The following DST variants were observed in gnomAD, a reference collection of about 807,000 sequenced individuals.
DST encodes the protein dystonin.
Under a neutral mutation model 875.2 loss-of-function variants are expected in DST, and 253 were observed. The ratio of observed to expected loss-of-function variants is 0.29; its 90% CI spans 0.26 to 0.32. DST has a LOEUF of 0.32. Ranked by LOEUF, DST falls within the 10% of genes least tolerant of loss-of-function variation. The probability of loss-of-function intolerance (pLI) is 1.00; values close to 1 mark genes in which losing one functional copy is unlikely to be tolerated. For missense variants in DST, 8,287 were observed against 9,111.6 expected, an observed-to-expected ratio of 0.91 and a Z score of 3.68; for synonymous variants, 3,124 against 3,197.1, an observed-to-expected ratio of 0.98 and a Z score of 0.77.
chr6:56,697,323 G>A (rs1430064456), intron 9 of DST, among the ~76,000 whole-genome samples: 2 of 152,084 alleles, frequency 1.3e-5, no homozygotes, highest in Non-Finnish European at 2.9e-5. Flanking sequence ...CAGCTTCACA[G>A]CTTATCTCTC....
At chr6:56,516,608 G>A (rs1443429117) in intron 71 of DST, among the ~76,000 whole-genome samples, 2 of 152,098 alleles carry the variant, frequency 1.3e-5, no homozygotes, top group Non-Finnish European at 2.9e-5. Flanking sequence ...CCTACCAGAA[G>A]CATGAATATG....
chr6:56,850,993 G>A (rs887963093), intron 4 of DST: 15 of 201,358 alleles, frequency 7.4e-5, no homozygotes, highest in African/African-American at 1.4e-4. Context: ...CTCAATCTGC[G>A]TAGCTCAGTG....
Position 56,458,993 on chromosome 6 carries a change from G to C in DST, c.*12C>G, listed in dbSNP as rs761169233. 1 of 1,583,748 alleles carries C rather than the reference G, an allele frequency of 6.3e-7. No homozygotes were observed. Among genetic ancestry groups the C allele is most frequent in the Admixed American group, 1.7e-5 (1 of 57,700 alleles). On this transcript the variant is annotated 3_prime_UTR_variant, in exon 104 of 104. Transcript: ENST00000680361. ...AAATGCTCAAGGAAGGGCCTTGGTA[G>C]AACCAATTGCACTATCTCTTTGAGG...
rs1393451354 is a variant in DST, at chr6:56,634,877, A to G, written c.3263T>C (p.Leu1088Pro). Residue 1088 changes from leucine (L) to proline (P), a missense_variant, in exon 25 of 104, where the codon CTG becomes CCG. This residue lies in a region of DST where 1,160 missense variants were observed against 1,424.3 expected (regional missense o/e 0.81). Transcript: ENST00000680361. ...TGGACAGTCAGAATTCCTTGGCTTC[A>G]GTTGAATTATTGTTTTTGCTTTTCC... ...LMGKAKTIIQ[L>P]KPRNSDCPLK... is the part of the protein sequence containing the mutation. The G allele has an allele frequency of 5.0e-6, 8 of 1,613,960 alleles. No homozygotes were observed. The highest frequency in any genetic ancestry group is 6.8e-6 in the Non-Finnish European group (8 of 1,179,924).
chr6:56,650,553 T>C (rs2098969807), intron 12 of DST, among the ~76,000 whole-genome samples: 1 of 152,088 alleles, frequency 6.6e-6, no homozygotes, highest in Admixed American at 6.5e-5. Flanking sequence ...AGTAACAAAT[T>C]TGAAATTGTT....
intron 77 of DST, 48 bp downstream of exon 77, chr6:56,506,395 G>A (rs558678630): frequency 1.3e-5 from 19 of 1,469,350 alleles, no homozygotes; most frequent in South Asian, 1.1e-4. Context: ...CAATTAGTAC[G>A]ATTCCTCCTT....
At chr6:56,546,803 T>C (rs1450586365) in intron 61 of DST, among the ~76,000 whole-genome samples, 9 of 152,122 alleles carry the variant, frequency 5.9e-5, no homozygotes, top group Admixed American at 5.9e-4. Context: ...TTTAAGCAAC[T>C]TTCCATATTA....
At chr6:56,477,985 T>C (rs934336584) in intron 90 of DST, among the ~76,000 whole-genome samples, 1 of 152,192 alleles carries the variant, frequency 6.6e-6, no homozygotes, top group Non-Finnish European at 1.5e-5. Flanking sequence ...TTTTTAACCA[T>C]TTTATTTTTG....
In DST at chr6:56,557,531, A is replaced by T; in HGVS notation, c.14441-13T>A. 5 of 1,593,360 alleles carry T rather than the reference A, an allele frequency of 3.1e-6. No individual in the cohort carries two copies. The highest frequency in any genetic ancestry group is 4.3e-6 in the Non-Finnish European group (5 of 1,167,764). On this transcript the variant is annotated splice_polypyrimidine_tract_variant and intron_variant, in intron 58 of 103. Transcript: ENST00000680361. ...TGCCACTTAGAATCTAAAAGAAAAA[A>T]AATGAAACTGGTGTTTGACATTTTT...
At position 56,458,948 on chromosome 6, in the gene DST, A is replaced by T; in HGVS notation, c.*57T>A. On this transcript the variant is annotated 3_prime_UTR_variant, in exon 104 of 104. Transcript: ENST00000680361. ...CAAGAATTTCTACACCATATTTTAC[A>T]TCGTTCAAACTTAAATAATAAATGC... 6.8e-7 allele frequency: 1 copy of T among 1,463,872 alleles called. No individual in the cohort carries two copies. Among genetic ancestry groups the T allele is most frequent in the Non-Finnish European group, 9.1e-7 (1 of 1,102,828 alleles). 90.7% of individuals were successfully genotyped at this position (1,463,872 alleles called of 1,614,324 possible).
chr6:56,732,522 G>A (rs191767668), intron 5 of DST, among the ~76,000 whole-genome samples: 35 of 152,124 alleles, frequency 2.3e-4, no homozygotes, highest in Admixed American at 7.9e-4. Flanking sequence ...AAAAGAAACT[G>A]TATCGAAGAG....
chr6:56,655,362 A>G (rs1001864103), intron 10 of DST, among the ~76,000 whole-genome samples: 1 of 152,132 alleles, frequency 6.6e-6, no homozygotes, highest in Admixed American at 6.5e-5. Context: ...CTAAGAGAAG[A>G]GTGCTTTAGT....
intron 4 of DST, among the ~76,000 whole-genome samples, chr6:56,788,393 G>C (rs986772818): frequency 1.3e-5 from 2 of 151,896 alleles, no homozygotes; most frequent in African/African-American, 4.8e-5. Context: ...TGTTGGTCAG[G>C]TTGGTCTTGA....
At chr6:56,735,966 C>G (rs1435043051) in intron 4 of DST, among the ~76,000 whole-genome samples, 1 of 152,156 alleles carries the variant, frequency 6.6e-6, no homozygotes, top group African/African-American at 2.4e-5. Context: ...TCAAGCAATT[C>G]TCCTGCGTCA....
intron 36 of DST, chr6:56,620,498 A>G: frequency 6.2e-7 from 1 of 1,614,088 alleles, no homozygotes; most frequent in Non-Finnish European, 8.5e-7. Flanking sequence ...GATATCTTCT[A>G]CATTTCTCTG....
intron 79 of DST, 135 bp downstream of exon 79, chr6:56,501,385 A>G (rs2096118279): frequency 9.0e-7 from 1 of 1,110,272 alleles, no homozygotes. Flanking sequence ...CTATGTTTTA[A>G]GTTTGACGCT....
At chr6:56,928,903 A>G (rs898506425) in intron 2 of DST, among the ~76,000 whole-genome samples, 1 of 152,174 alleles carries the variant, frequency 6.6e-6, no homozygotes, top group African/African-American at 2.4e-5. Flanking sequence ...CCAAAAAAGA[A>G]GAGTTGAACT....
intron 4 of DST, among the ~76,000 whole-genome samples, chr6:56,769,298 G>T (rs972643015): frequency 6.6e-6 from 1 of 152,142 alleles, no homozygotes; most frequent in Non-Finnish European, 1.5e-5. Flanking sequence ...AACACCAGAC[G>T]CTGGCAAGGA....
intron 72 of DST, among the ~76,000 whole-genome samples, chr6:56,512,435 T>C (rs1392011833): frequency 1.3e-5 from 2 of 152,202 alleles, no homozygotes; most frequent in Non-Finnish European, 2.9e-5. Context: ...TGCAGGTTTT[T>C]CTGAGGCTGG....
Sources: gnomAD v4.1 joint callset for allele counts (sites outside exome capture counted in the v4.1 genomes callset) on GRCh38, gnomAD v4.1.1 for gene constraint, gnomAD v4.1.1 regional missense constraint, MANE v1.5 for transcripts, NCBI Gene and HGNC (gene_info 2026-07-23, HGNC 2026-07-21) for gene names.